Variants in BTN2A2 observed in about 807,000 individuals in gnomAD.
The protein encoded by BTN2A2 is butyrophilin 2.
A neutral mutation model predicts 34.7 loss-of-function variants in BTN2A2; 29 were observed. The observed-to-expected ratio is 0.84, with a 90% CI of 0.62 to 1.14. The LOEUF is 1.14. Among genes scored for constraint, BTN2A2 ranks in the 50% most tolerant of loss-of-function variants. The pLI, the probability that BTN2A2 is intolerant of heterozygous loss-of-function variation, is 0.00. For missense variants in BTN2A2, 612 were observed against 651.5 expected, an observed-to-expected ratio of 0.94 and a Z score of 0.66; for synonymous variants, 240 against 253.1, an observed-to-expected ratio of 0.95 and a Z score of 0.49.
chr6:26,393,197 A>T lies in BTN2A2; in HGVS notation c.*230A>T. On this transcript the variant is annotated 3_prime_UTR_variant, in exon 8 of 8. Transcript: ENST00000356709. ...TGTAATTATGGGATGGGATCCAGGCATAGGGAACTAGTTGTTTCATAGCTC... is the reference window on the plus strand; with the variant it reads ...TGTAATTATGGGATGGGATCCAGGCTTAGGGAACTAGTTGTTTCATAGCTC... 6.5e-7 allele frequency: 1 copy of T among 1,540,560 alleles called. No individual in the cohort carries two copies. The highest frequency in any genetic ancestry group is 8.7e-7 in the Non-Finnish European group (1 of 1,148,072).
At chr6:26,388,437 C>T (rs1382939779) in intron 4 of BTN2A2, 143 bp downstream of exon 4, 30 of 910,280 alleles carry the variant, frequency 3.3e-5, no homozygotes, top group Admixed American at 1.4e-4. Flanking sequence ...TGAGTTGAGA[C>T]GTCTCCCCTC....
At chr6:26,385,616 T>A (rs1362882127) in intron 3 of BTN2A2, 1 of 395,280 alleles carries the variant, frequency 2.5e-6, no homozygotes, top group Non-Finnish European at 4.6e-6. Context: ...AGTGGTGCGA[T>A]CTTGGCTCAC....
intron 3 of BTN2A2, among the ~76,000 whole-genome samples, chr6:26,386,922 G>A (rs1011027821): frequency 6.6e-6 from 1 of 152,188 alleles, no homozygotes; most frequent in African/African-American, 2.4e-5. Context: ...ATTAAACAGA[G>A]CAGAAAGCAC....
chr6:26,385,077 T>C lies in BTN2A2; in HGVS notation c.157T>C (p.Leu53=). Residue 53 remains leucine (L), a synonymous_variant, in exon 3 of 8, where the codon TTA becomes CTA. Coordinates refer to ENST00000356709, the MANE Select transcript of BTN2A2 (RefSeq NM_006995.5). ...ILAMVGENTT[L]RCHLSPEKNA... ...GGCCATGGTGGGAGAAAACACTACA[T>C]TACGCTGCCATCTGTCACCCGAGAA... The C allele has an allele frequency of 6.2e-7, 1 of 1,613,920 alleles. No homozygotes were observed. The highest frequency in any genetic ancestry group is 8.5e-7 in the Non-Finnish European group (1 of 1,179,886).
In BTN2A2 at chr6:26,388,078, A is replaced by G. The variant is rs1761319049; in HGVS notation, c.508A>G (p.Ile170Val). Residue 170 changes from isoleucine to valine, a missense_variant, in exon 4 of 8, where the codon ATA becomes GTA. By Grantham distance (29) the Ile-to-Val change is conservative. Transcript: ENST00000356709. ...QEDGSIWLEC[I>V]SGGWYPEPLT... ...GGATGGGAGCATCTGGCTGGAGTGC[A>G]TATCTGGAGGGTGGTACCCAGAGCC... 4 of 1,614,088 alleles carry G rather than the reference A, an allele frequency of 2.5e-6. No individual in the cohort carries two copies. The highest frequency in any genetic ancestry group is 3.4e-6 in the Non-Finnish European group (4 of 1,180,004).
chr6:26,384,979 C>G lies in BTN2A2; in HGVS notation c.95-36C>G. On this transcript the variant is annotated intron_variant, in intron 2 of 7. Coordinates refer to ENST00000356709, the MANE Select transcript of BTN2A2 (RefSeq NM_006995.5). This position sits in a 1 kb window ranked among gnomAD's most constrained non-coding sequence, Gnocchi z 4.0. ...TTGTTTTGCCTTAGAGTTGTGATAA[C>G]TGGCATCCTTGTCTGATTCTGCCCT... 1 of 1,587,190 alleles carries G rather than the reference C, an allele frequency of 6.3e-7. No individual in the cohort carries two copies. Among genetic ancestry groups the G allele is most frequent in the Non-Finnish European group, 8.6e-7 (1 of 1,159,996 alleles).
In BTN2A2 at chr6:26,387,397, A is replaced by C. The variant is rs1162003146; in HGVS notation, c.443-616A>C. On this transcript the variant is annotated intron_variant, in intron 3 of 7. Coordinates refer to ENST00000356709, the MANE Select transcript of BTN2A2 (RefSeq NM_006995.5). ...CCATGGTGATGTGAGGCCCTGAACTAGACAGAAGTGTCAGTGACTTTGGTT... is the reference window on the plus strand; with the variant it reads ...CCATGGTGATGTGAGGCCCTGAACTCGACAGAAGTGTCAGTGACTTTGGTT... Among the ~76,000 whole-genome samples the C allele has an allele frequency of 2.0e-5, 3 of 152,316 alleles. No individual in the cohort carries two copies. The East Asian group carries it at 5.8e-4, about 29-fold the overall frequency.
chr6:26,388,347 C>G (rs114141043), intron 4 of BTN2A2, 53 bp downstream of exon 4: 1 of 1,589,582 alleles, frequency 6.3e-7, no homozygotes, highest in Non-Finnish European at 8.6e-7. Flanking sequence ...TCCTCAGCAC[C>G]CAGATGGAGC....
intron 7 of BTN2A2, 83 bp downstream of exon 7, chr6:26,390,912 G>A: frequency 2.5e-6 from 4 of 1,603,388 alleles, no homozygotes; most frequent in African/African-American, 1.3e-5. Context: ...GATGAGCAAG[G>A]GGCCCAGGGC....
Position 26,388,162 on chromosome 6 carries a change from A to G in BTN2A2, c.592A>G (p.Ile198Val), listed in dbSNP as rs200036284. ...TGTGCCCGCCCTGAAGGAGGTTTCC[A>G]TCGCTGATGCTGACGGCCTCTTCAT... ...EVVPALKEVS[I>V]ADADGLFMVT... is the part of the protein sequence containing the mutation. The change falls in exon 4 of 8, where the codon ATC becomes GTC. Residue 198 changes from isoleucine (I) to valine (V), a missense_variant. By Grantham distance (29) the Ile-to-Val change is conservative. Transcript: ENST00000356709. The G allele has an allele frequency of 1.2e-6, 2 of 1,614,220 alleles. No homozygotes were observed. Among genetic ancestry groups the G allele is most frequent in the East Asian group, 2.2e-5 (1 of 44,890 alleles).
intron 7 of BTN2A2, chr6:26,391,171 T>C: frequency 2.2e-6 from 1 of 464,558 alleles, no homozygotes; most frequent in Non-Finnish European, 3.9e-6. Flanking sequence ...AATAAGATAA[T>C]GCTGTCTTAG....
Position 26,393,007 on chromosome 6 carries a change from G to A in BTN2A2, c.*40G>A. On this transcript the variant is annotated 3_prime_UTR_variant, in exon 8 of 8. Coordinates refer to ENST00000356709, the MANE Select transcript of BTN2A2 (RefSeq NM_006995.5). ...ACTCACAGCCATGCAGATAAGCCCT[G>A]GCCATCTCAGCAGCCACCGCACAAC... 6.2e-7 allele frequency: 1 copy of A among 1,613,718 alleles called. No individual in the cohort carries two copies. The highest frequency in any genetic ancestry group is 1.3e-5 in the African/African-American group (1 of 74,982).
Position 26,393,770 on chromosome 6 carries a change from A to G in BTN2A2, c.*803A>G. On this transcript the variant is annotated 3_prime_UTR_variant, in exon 8 of 8. Coordinates refer to ENST00000356709, the MANE Select transcript of BTN2A2 (RefSeq NM_006995.5). ...GACACCAGTGGCTTCAAACTTCCTG[A>G]TCTAATTATGTTTTTAGACACTTAG... 1.0e-6 allele frequency: 1 copy of G among 986,194 alleles called. No individual in the cohort carries two copies. The highest frequency in any genetic ancestry group is 1.2e-6 in the Non-Finnish European group (1 of 830,476). The allele number at this position is 986,194 out of a possible 1,614,324, so 61.1% of individuals were successfully genotyped here.
In BTN2A2 at chr6:26,388,047, C is replaced by T; in HGVS notation, c.477C>T (p.Ala159=). The change falls in exon 4 of 8, where the codon GCC becomes GCT. Residue 159 remains alanine (A), a synonymous_variant. Transcript: ENST00000356709. ...LGSKPLIEIK[A]QEDGSIWLEC... is the part of the protein sequence containing the mutation. ...CTAAGCCCCTCATTGAAATCAAGGC[C>T]CAAGAGGATGGGAGCATCTGGCTGG... The T allele has an allele frequency of 6.2e-7, 1 of 1,613,922 alleles. No individual in the cohort carries two copies. The highest frequency in any genetic ancestry group is 8.5e-7 in the Non-Finnish European group (1 of 1,179,954).
In BTN2A2 at chr6:26,394,613, G is replaced by A; in HGVS notation, c.*1646G>A. The A allele has an allele frequency of 2.7e-6, 1 of 369,834 alleles. No individual in the cohort carries two copies. Among genetic ancestry groups the A allele is most frequent in the Non-Finnish European group, 4.9e-6 (1 of 206,042 alleles). The allele number at this position is 369,834 out of a possible 1,614,324, so 22.9% of individuals were successfully genotyped here. A position where few individuals can be genotyped will look rare whatever the true frequency, so the allele number is the denominator to read the frequency against. ...CTTTGGACTGAGAGTTACACAATCA[G>A]CTTCCCTGGTTCTGAGGCTTTCAGA... On this transcript the variant is annotated 3_prime_UTR_variant, in exon 8 of 8. Coordinates refer to ENST00000356709, the MANE Select transcript of BTN2A2 (RefSeq NM_006995.5).
rs1411104924 is a variant in BTN2A2, at chr6:26,388,229, ATG to A, written c.663_664del (p.Ser222LeufsTer81). 27 of 1,614,078 alleles carry A rather than the reference ATG, an allele frequency of 1.7e-5. No individual in the cohort carries two copies. Among genetic ancestry groups the A allele is most frequent in the Non-Finnish European group, 2.2e-5 (26 of 1,180,030 alleles). ...ATCATCAGAGACAAGTATGTGAGGA[ATG>A]TGTCCTGCTCTGTCAACAACACCCT... On this transcript the variant is annotated frameshift_variant, in exon 4 of 8. Coordinates refer to ENST00000356709, the MANE Select transcript of BTN2A2 (RefSeq NM_006995.5). LOFTEE classifies it high-confidence loss of function.
At chr6:26,392,163 A>G (rs909940232) in intron 7 of BTN2A2, 2 of 1,464,820 alleles carry the variant, frequency 1.4e-6, no homozygotes, top group East Asian at 2.5e-5. Context: ...ATTCTTCTCA[A>G]CCTGGGGGCA....
chr6:26,392,336 C>T (rs1429998366), intron 7 of BTN2A2, 39 bp from the exon 8 acceptor site: 1 of 1,614,130 alleles, frequency 6.2e-7, no homozygotes, highest in Non-Finnish European at 8.5e-7. Context: ...CCCCAGGGTT[C>T]CTGAGACCCC....
Position 26,394,145 on chromosome 6 carries a change from C to T in BTN2A2, c.*1178C>T, listed in dbSNP as rs551232716. The T allele has an allele frequency of 3.9e-5, 22 of 568,364 alleles. No homozygotes were observed. Among genetic ancestry groups the T allele is most frequent in the Non-Finnish European group, 5.6e-5 (18 of 318,912 alleles). 35.2% of individuals were successfully genotyped at this position (568,364 alleles called of 1,614,324 possible). On this transcript the variant is annotated 3_prime_UTR_variant, in exon 8 of 8. Coordinates refer to ENST00000356709, the MANE Select transcript of BTN2A2 (RefSeq NM_006995.5). Reference sequence around the variant, plus strand: ...ACTACTGAGAGAATGAGATGAAAAACGATTAATGTTTCATTATTATTATTG... The same window carrying T: ...ACTACTGAGAGAATGAGATGAAAAATGATTAATGTTTCATTATTATTATTG...
Sources: gnomAD v4.1 joint callset for allele counts (sites outside exome capture counted in the v4.1 genomes callset) on GRCh38, gnomAD v4.1.1 for gene constraint, Gnocchi (gnomAD v3.1) non-coding constraint, MANE v1.5 for transcripts, NCBI Gene and HGNC (gene_info 2026-07-23, HGNC 2026-07-21) for gene names.